NKPD1: variants seen among roughly 807,000 people sequenced by gnomAD.
NKPD1 encodes NTPase KAP family P-loop domain-containing protein 1.
A neutral mutation model predicts 42.2 loss-of-function variants in NKPD1; 37 were observed. The ratio of observed to expected loss-of-function variants is 0.88; its 90% CI spans 0.67 to 1.15. The LOEUF (loss-of-function observed/expected upper bound fraction) is 1.15. Ranked by LOEUF, NKPD1 falls within the 50% of genes most tolerant of loss-of-function variation. The pLI is 0.00. For synonymous variants in NKPD1, 552 were observed against 536.5 expected, an observed-to-expected ratio of 1.03 and a Z score of -0.40; for missense variants, 1,113 against 1,174.6, an observed-to-expected ratio of 0.95 and a Z score of 0.77.
Position 45,152,035 on chromosome 19 carries a change from T to G in NKPD1, c.2402A>C (p.Glu801Ala). The G allele has an allele frequency of 1.2e-6, 2 of 1,609,768 alleles. No individual in the cohort carries two copies. Among genetic ancestry groups the G allele is most frequent in the Non-Finnish European group, 1.7e-6 (2 of 1,178,566 alleles). The change falls in exon 5 of 5, where the codon GAA becomes GCA. Residue 801 changes from glutamate (E) to alanine (A), a missense_variant. By Grantham distance (107) the Glu-to-Ala change is moderately radical. Around this residue, in one of 3 missense-constraint regions of NKPD1, gnomAD observed 867 missense variants for 870.1 expected, o/e 1.00. Transcript: ENST00000686631. The part of the protein sequence containing the change: ...PSGRASGQAG[E>A]GHHTGDLAHR... ...GGCCAAGTCCCCAGTGTGGTGGCCT[T>G]CGCCGGCTTGCCCTGAGGCACGGCC...
chr19:45,157,719 CTTTTTTTTT>C (rs34991759), intron 3 of NKPD1, among the ~76,000 whole-genome samples: 1 of 83,352 alleles, frequency 1.2e-5, no homozygotes, highest in South Asian at 4.1e-4. Context: ...CCCAGACATA[CTTTTTTTTT>C]TTTTTTTTTT....
In NKPD1 at chr19:45,160,198, G is replaced by A. The variant is rs1002265350; in HGVS notation, c.-48C>T. On this transcript the variant is annotated 5_prime_UTR_variant, in exon 2 of 5. Transcript: ENST00000686631. ...GGGGGCCTGCTCCTGAGGCAGGAGG[G>A]AGCACACAGGCTTGGCGTAGCCTCT... 21 of 1,171,714 alleles carry A rather than the reference G, an allele frequency of 1.8e-5. No homozygotes were observed. Among genetic ancestry groups the A allele is most frequent in the Non-Finnish European group, 2.4e-5 (21 of 870,144 alleles). The allele number at this position is 1,171,714 out of a possible 1,614,324, so 72.6% of individuals were successfully genotyped here.
intron 4 of NKPD1, 42 bp downstream of exon 4, chr19:45,155,741 CCT>C (rs1262649301): frequency 3.1e-6 from 4 of 1,278,038 alleles, no homozygotes; most frequent in Non-Finnish European, 4.1e-6. Flanking sequence ...GACCAGAGGC[CCT>C]GTTTCTCATC....
rs771651440 is a variant in NKPD1 at position 45,151,896 on chromosome 19, A to T, written c.*42T>A. ...GCCCCCTATTCTCCCATCTGGGCAG[A>T]TGGAGGAACCCTTGCCTCCTGCTGC... is the stretch of plus-strand genomic sequence containing the variant. On this transcript the variant is annotated 3_prime_UTR_variant, in exon 5 of 5. Coordinates refer to ENST00000686631, the MANE Select transcript of NKPD1 (RefSeq NM_198478.4). The T allele has an allele frequency of 1.3e-6, 2 of 1,491,170 alleles. No homozygotes were observed. The highest frequency in any genetic ancestry group is 1.8e-6 in the Non-Finnish European group (2 of 1,116,544). 92.4% of individuals were successfully genotyped at this position (1,491,170 alleles called of 1,614,324 possible).
Position 45,151,678 on chromosome 19 carries a change from C to T in NKPD1, c.*260G>A, listed in dbSNP as rs1968779941. On this transcript the variant is annotated 3_prime_UTR_variant, in exon 5 of 5. Coordinates refer to ENST00000686631, the MANE Select transcript of NKPD1 (RefSeq NM_198478.4). ...TCAGATCAGGATGCGGAGAGCAACT[C>T]CGGGCTCTCAACACCTCCATTTATT... 7 of 440,986 alleles carry T rather than the reference C, an allele frequency of 1.6e-5. No individual in the cohort carries two copies. The South Asian group carries it at 3.1e-4, about 19-fold the overall frequency. 27.3% of individuals were successfully genotyped at this position (440,986 alleles called of 1,614,324 possible).
Position 45,153,400 on chromosome 19 carries a change from G to GCCAGCAGCC in NKPD1, c.1028_1036dup (p.Gly343_Leu345dup). Reference sequence around the variant, plus strand: ...ACCCAGGCCCAGCGCCGCCAGCAGCGCCAGCAGCCCCAGGCACACGCGGCG... The same window carrying GCCAGCAGCC: ...ACCCAGGCCCAGCGCCGCCAGCAGCGCCAGCAGCCCCAGCAGCCCCAGGCACACGCGGCG... On this transcript the variant is annotated inframe_insertion, in exon 5 of 5. Coordinates refer to ENST00000686631, the MANE Select transcript of NKPD1 (RefSeq NM_198478.4). The GCCAGCAGCC allele has an allele frequency of 6.4e-7, 1 of 1,555,666 alleles. No individual in the cohort carries two copies.
In NKPD1 at chr19:45,152,930, C is replaced by T. The variant is rs1392041001; in HGVS notation, c.1507G>A (p.Glu503Lys). ...GTGCCCTTCATGTTGCCCGCGCTCT[C>T]TAGGCACGCGGCCAGGATGCTGGGG... ...VDPSILAACL[E>K]SAGNMKGTAD... The change falls in exon 5 of 5, where the codon GAG becomes AAG. Residue 503 changes from glutamate to lysine, a missense_variant. Glu to Lys is a moderately conservative substitution (Grantham distance 56, BLOSUM62 1). Coordinates refer to ENST00000686631, the MANE Select transcript of NKPD1 (RefSeq NM_198478.4). 1 of 1,582,198 alleles carries T rather than the reference C, an allele frequency of 6.3e-7. No homozygotes were observed. Among genetic ancestry groups the T allele is most frequent in the Non-Finnish European group, 8.6e-7 (1 of 1,162,806 alleles).
chr19:45,152,491 G>A lies in NKPD1; in HGVS notation c.1946C>T (p.Thr649Met), dbSNP rs1282241136. ...QQQQGDFGGP[T>M]PRQAVAWVVL... Reference sequence around the variant, plus strand: ...CACCCACGCCACCGCCTGGCGCGGCGTGGGGCCCCCAAAGTCCCCCTGCTG... The same window carrying A: ...CACCCACGCCACCGCCTGGCGCGGCATGGGGCCCCCAAAGTCCCCCTGCTG... Residue 649 changes from threonine (T) to methionine (M), a missense_variant, in exon 5 of 5, where the codon ACG (threonine) becomes ATG (methionine). Thr to Met is a moderately conservative substitution (Grantham distance 81). This residue lies in a region of NKPD1 where 867 missense variants were observed against 870.1 expected (regional missense o/e 1.00). Coordinates refer to ENST00000686631, the MANE Select transcript of NKPD1 (RefSeq NM_198478.4). The A allele has an allele frequency of 6.4e-7, 1 of 1,557,734 alleles. No individual in the cohort carries two copies. The highest frequency in any genetic ancestry group is 2.4e-5 in the East Asian group (1 of 41,612).
Position 45,158,944 on chromosome 19 carries a change from T to A in NKPD1, c.248A>T (p.Gln83Leu). The change falls in exon 3 of 5, where the codon CAG becomes CTG. Residue 83 changes from glutamine to leucine, a missense_variant. Physicochemically the swap from Gln to Leu is moderately radical, Grantham distance 113 (BLOSUM62 -2). Transcript: ENST00000686631. The surrounding 1 kb of genome is among the most constrained non-coding windows in gnomAD (Gnocchi z 4.6). ...TGAGGGCTGGGACTGGGGCTGCCGC[T>A]GCTGCTGCAGGACGGAGGGCAGGAG... Reference protein sequence around the residue: ...RGLLPSVLQQQRQPQSQPSPP... With the variant: ...RGLLPSVLQQLRQPQSQPSPP... The A allele has an allele frequency of 7.7e-7, 1 of 1,299,342 alleles. No individual in the cohort carries two copies. Among genetic ancestry groups the A allele is most frequent in the Non-Finnish European group, 1.0e-6 (1 of 987,344 alleles). 80.5% of individuals were successfully genotyped at this position (1,299,342 alleles called of 1,614,324 possible).
intron 4 of NKPD1, 125 bp from the exon 5 acceptor site, chr19:45,153,900 A>G: frequency 2.0e-6 from 2 of 995,220 alleles, no homozygotes; most frequent in Non-Finnish European, 2.7e-6. Context: ...AGGGGCTGGA[A>G]GCGAGCCGCG....
At position 45,153,918 on chromosome 19, in the gene NKPD1, C is replaced by T. The variant is rs903084407; in HGVS notation, c.662-143G>A. 8.5e-6 allele frequency: 7 copies of T among 818,770 alleles called. No homozygotes were observed. In the African/African-American group the frequency reaches 1.3e-4, roughly 15 times the overall value. The allele number at this position is 818,770 out of a possible 1,614,324, so 50.7% of individuals were successfully genotyped here. A position where few individuals can be genotyped will look rare whatever the true frequency, so the allele number is the denominator to read the frequency against. On this transcript the variant is annotated intron_variant, in intron 4 of 4. Coordinates refer to ENST00000686631, the MANE Select transcript of NKPD1 (RefSeq NM_198478.4). ...GGCTGGAAGCGAGCCGCGGCCGCTC[C>T]TTAAAGAGCTGGAAGCCGGTGCAGA...
chr19:45,153,574 C>T lies in NKPD1; in HGVS notation c.863G>A (p.Gly288Asp). ...FIRFSAWQYAGTDKLWAGLVT... is the reference protein window; with the variant it reads ...FIRFSAWQYADTDKLWAGLVT... Reference sequence around the variant, plus strand: ...CAGGCCGGCCCACAGCTTGTCGGTGCCCGCGTACTGCCAGGCGCTAAAGCG... The same window carrying T: ...CAGGCCGGCCCACAGCTTGTCGGTGTCCGCGTACTGCCAGGCGCTAAAGCG... The change falls in exon 5 of 5, where the codon GGC (glycine) becomes GAC (aspartate). Residue 288 changes from glycine (G) to aspartate (D), a missense_variant. This residue lies in a region of NKPD1 where 867 missense variants were observed against 870.1 expected (regional missense o/e 1.00). Transcript: ENST00000686631. 13 of 1,557,936 alleles carry T rather than the reference C, an allele frequency of 8.3e-6. No homozygotes were observed. The highest frequency in any genetic ancestry group is 1.0e-5 in the Non-Finnish European group (12 of 1,148,444).
upstream of NKPD1, among the ~76,000 whole-genome samples, chr19:45,161,814 G>A (rs1033248803): frequency 3.3e-5 from 5 of 152,208 alleles, no homozygotes; most frequent in African/African-American, 9.6e-5. Flanking sequence ...CTGGCGTAAC[G>A]GGGTCAACAG....
Position 45,158,726 on chromosome 19 carries a change from G to T in NKPD1, c.466C>A (p.Pro156Thr). The change falls in exon 3 of 5, where the codon CCC becomes ACC. Residue 156 changes from proline to threonine, a missense_variant. Physicochemically the swap from Pro to Thr is conservative, Grantham distance 38 (BLOSUM62 -1). This residue lies in a region of NKPD1 where 204 missense variants were observed against 227.8 expected (regional missense o/e 0.90). Transcript: ENST00000686631. The surrounding 1 kb of genome is among the most constrained non-coding windows in gnomAD (Gnocchi z 4.6). The stretch of plus-strand genomic sequence containing the variant: ...GCGGGCAGGGGCCGGGCATCAGTGG[G>T]CTCGCTGGGCTTCAGGAGGACGCCA... ...AAGVLLKPSEPTDARPLPAPA... is the reference protein window; with the variant it reads ...AAGVLLKPSETTDARPLPAPA... 8.3e-7 allele frequency: 1 copy of T among 1,203,652 alleles called. No individual in the cohort carries two copies. The allele number at this position is 1,203,652 out of a possible 1,614,324, so 74.6% of individuals were successfully genotyped here.
rs1395834789 is a variant in NKPD1 at position 45,153,540 on chromosome 19, C to T, written c.897G>A (p.Thr299=). 3 of 1,551,356 alleles carry T rather than the reference C, an allele frequency of 1.9e-6. No homozygotes were observed. Among genetic ancestry groups the T allele is most frequent in the South Asian group, 1.2e-5 (1 of 85,408 alleles). ...AGTGGCGGCGGATGCCCTCGCACAA[C>T]GTGGTCACCAGGCCGGCCCACAGCT... ...TDKLWAGLVT[T]LCEGIRRHYG... Residue 299 remains threonine (T), a synonymous_variant, in exon 5 of 5, where the codon ACG becomes ACA. Transcript: ENST00000686631.
Position 45,158,039 on chromosome 19 carries a change from A to T in NKPD1, c.529+624T>A, listed in dbSNP as rs1968936582. On this transcript the variant is annotated intron_variant, in intron 3 of 4. Transcript: ENST00000686631. This position sits in a 1 kb window ranked among gnomAD's most constrained non-coding sequence, Gnocchi z 4.6. ...TGCACCTGGCCTCCCAGCCACTTTT[A>T]AATTTCCATGTTTCCTGTACCTGCC... Among the ~76,000 whole-genome samples the T allele has an allele frequency of 6.6e-6, 1 of 152,060 alleles. No homozygotes were observed. The highest frequency in any genetic ancestry group is 1.5e-5 in the Non-Finnish European group (1 of 67,974).
chr19:45,162,464 G>A (rs993239662), upstream of NKPD1, among the ~76,000 whole-genome samples: 8 of 152,192 alleles, frequency 5.3e-5, no homozygotes, highest in African/African-American at 1.4e-4. Flanking sequence ...GGCAGCGGGC[G>A]GCGAAGCCCA....
chr19:45,154,607 G>T (rs1207762268), intron 4 of NKPD1, among the ~76,000 whole-genome samples: 1 of 152,186 alleles, frequency 6.6e-6, no homozygotes, highest in Admixed American at 6.5e-5. Flanking sequence ...AGTCAGTACA[G>T]GAAGGAAAGG....
chr19:45,152,038 C>G lies in NKPD1; in HGVS notation c.2399G>C (p.Gly800Ala). The change falls in exon 5 of 5, where the codon GGC becomes GCC. Residue 800 changes from glycine to alanine, a missense_variant. Coordinates refer to ENST00000686631, the MANE Select transcript of NKPD1 (RefSeq NM_198478.4). ...CAAGTCCCCAGTGTGGTGGCCTTCG[C>G]CGGCTTGCCCTGAGGCACGGCCCGA... Reference protein sequence around the residue: ...PPSGRASGQAGEGHHTGDLAH... With the variant: ...PPSGRASGQAAEGHHTGDLAH... 6.2e-7 allele frequency: 1 copy of G among 1,609,524 alleles called. No individual in the cohort carries two copies. Among genetic ancestry groups the G allele is most frequent in the Non-Finnish European group, 8.5e-7 (1 of 1,178,426 alleles).
Sources: allele counts gnomAD v4.1 joint callset (sites outside exome capture counted in the v4.1 genomes callset), GRCh38; gene constraint gnomAD v4.1.1; regional missense constraint gnomAD v4.1.1; non-coding constraint Gnocchi (gnomAD v3.1); transcripts MANE v1.5; gene names NCBI Gene and HGNC (gene_info 2026-07-23, HGNC 2026-07-21).